Variants in WDFY3 observed in about 807,000 individuals in gnomAD.
WDFY3 encodes WD repeat and FYVE domain-containing protein 3.
Under a neutral mutation model 409.6 loss-of-function variants are expected in WDFY3, and 66 were observed. The observed-to-expected ratio is 0.16, with a 90% CI of 0.13 to 0.20. WDFY3 has a LOEUF of 0.20. Ranked by LOEUF, WDFY3 falls within the 10% of genes least tolerant of loss-of-function variation. The pLI is 1.00. For synonymous variants in WDFY3, 1,521 were observed against 1,537.1 expected, an observed-to-expected ratio of 0.99 and a Z score of 0.25; for missense variants, 3,031 against 4,298.1, an observed-to-expected ratio of 0.71 and a Z score of 8.24.
chr4:84,672,866 C>T lies in WDFY3; in HGVS notation c.*2G>A, dbSNP rs751917562. The T allele has an allele frequency of 6.2e-7, 1 of 1,613,938 alleles. No homozygotes were observed. Among genetic ancestry groups the T allele is most frequent in the Non-Finnish European group, 8.5e-7 (1 of 1,179,896 alleles). On this transcript the variant is annotated 3_prime_UTR_variant, in exon 68 of 68. Coordinates refer to ENST00000295888, the MANE Select transcript of WDFY3 (RefSeq NM_014991.6). ...ATGGTCTCCACTCAGCTTGTTGAAT[C>T]TTCAACAATTTCGAGGCCCATCTTC...
intron 37 of WDFY3, 70 bp from the exon 38 acceptor site, chr4:84,741,991 AAAAATCAGGCTAAGGT>A: frequency 5.7e-6 from 8 of 1,415,282 alleles, no homozygotes; most frequent in Non-Finnish European, 6.6e-6. Context: ...TCCTCAAAAA[AAAAATCAGGCTAAGGT>A]AAAATAAGTG....
chr4:84,884,503 C>T (rs1351090511), intron 3 of WDFY3, among the ~76,000 whole-genome samples: 2 of 151,832 alleles, frequency 1.3e-5, no homozygotes, highest in Non-Finnish European at 2.9e-5. Flanking sequence ...AAAAGAGACC[C>T]TGAAGAAATT....
intron 5 of WDFY3, among the ~76,000 whole-genome samples, chr4:84,849,468 A>C (rs1264580090): frequency 2.6e-5 from 4 of 151,396 alleles, no homozygotes; most frequent in African/African-American, 9.7e-5. Flanking sequence ...AAGCATTCTA[A>C]GTAAATGATT....
chr4:84,905,025 C>T (rs1006592071), intron 2 of WDFY3, among the ~76,000 whole-genome samples: 9 of 151,090 alleles, frequency 6.0e-5, no homozygotes, highest in Non-Finnish European at 8.8e-5. Flanking sequence ...CTCTCGTCTG[C>T]GCACACGGGG....
rs1736172074 is a variant in WDFY3, at chr4:84,729,256, A to G, written c.7222-2345T>C. 3.3e-5 allele frequency among the ~76,000 whole-genome samples: 5 copies of G among 152,080 alleles called. No homozygotes were observed. In the South Asian group the frequency reaches 8.3e-4, roughly 25 times the overall value. On this transcript the variant is annotated intron_variant, in intron 44 of 67. Transcript: ENST00000295888. Reference sequence around the variant, plus strand: ...TTTTTTTTTAAATGGCAAAATATACATTATTTTCCTCCCTTAGGATTCAGA... The same window carrying G: ...TTTTTTTTTAAATGGCAAAATATACGTTATTTTCCTCCCTTAGGATTCAGA...
intron 2 of WDFY3, among the ~76,000 whole-genome samples, chr4:84,915,200 G>A (rs745493257): frequency 8.5e-5 from 13 of 152,138 alleles, no homozygotes; most frequent in Non-Finnish European, 1.5e-4. Flanking sequence ...ATTACCTAAT[G>A]GGTACAGAGC....
chr4:84,923,444 G>A (rs144003381), intron 2 of WDFY3, among the ~76,000 whole-genome samples: 481 of 152,254 alleles, frequency 3.2e-3, no homozygotes, highest in African/African-American at 0.011. Flanking sequence ...GTATATAAGT[G>A]TTTGTCTCTC....
chr4:84,953,374 G>A (rs919728052), intron 1 of WDFY3, among the ~76,000 whole-genome samples: 1 of 152,050 alleles, frequency 6.6e-6, no homozygotes. Context: ...CTCATTAACT[G>A]ACAATGTATT....
intron 3 of WDFY3, among the ~76,000 whole-genome samples, chr4:84,887,457 C>A (rs972784331): frequency 1.3e-5 from 2 of 152,152 alleles, no homozygotes; most frequent in African/African-American, 4.8e-5. Context: ...CCATTCTTTC[C>A]TTGAATCATT....
Position 84,739,084 on chromosome 4 carries a change from C to A in WDFY3, c.6500G>T (p.Arg2167Leu), listed in dbSNP as rs746407972. 6.2e-7 allele frequency: 1 copy of A among 1,613,970 alleles called. No individual in the cohort carries two copies. Among genetic ancestry groups the A allele is most frequent in the Non-Finnish European group, 8.5e-7 (1 of 1,179,970 alleles). Residue 2167 changes from arginine (R) to leucine (L), a missense_variant, in exon 40 of 68, where the codon CGC (arginine) becomes CTC (leucine). By Grantham distance (102) the Arg-to-Leu change is moderately radical. Around this residue, in one of 16 missense-constraint regions of WDFY3, gnomAD observed 314 missense variants for 397.4 expected, o/e 0.79. Coordinates refer to ENST00000295888, the MANE Select transcript of WDFY3 (RefSeq NM_014991.6). ...VDGFGLEAEA[R>L]MTTWHIMIPS... The stretch of plus-strand genomic sequence containing the variant: ...GATCATAATGTGCCATGTGGTCATG[C>A]GGGCTTCTGCTTCCAGTCCAAATCC...
chr4:84,901,248 G>A (rs1230045575), intron 2 of WDFY3, among the ~76,000 whole-genome samples: 2 of 151,926 alleles, frequency 1.3e-5, no homozygotes, highest in African/African-American at 2.4e-5. Flanking sequence ...CAAAACTCAC[G>A]TTGAAATTTA....
At chr4:84,879,612 T>TACACACAC (rs556955325) in intron 3 of WDFY3, 1 of 148,424 alleles carries the variant, frequency 6.7e-6, no homozygotes, top group African/African-American at 2.5e-5. Flanking sequence ...AAATTATACA[T>TACACACAC]ACACACACAC....
chr4:84,798,148 T>C (rs1749832691), intron 17 of WDFY3, 40 bp from the exon 18 acceptor site: 1 of 1,481,594 alleles, frequency 6.7e-7, no homozygotes, highest in Non-Finnish European at 9.3e-7. Context: ...TTGATTGAGA[T>C]TATTATATAA....
intron 30 of WDFY3, among the ~76,000 whole-genome samples, chr4:84,770,672 C>A (rs1047670132): frequency 1.3e-5 from 2 of 152,136 alleles, no homozygotes; most frequent in African/African-American, 4.8e-5. Flanking sequence ...AAGATCCTCA[C>A]CTCTTCTAAG....
intron 3 of WDFY3, among the ~76,000 whole-genome samples, chr4:84,894,630 T>C (rs1765377393): frequency 6.6e-6 from 1 of 151,848 alleles, no homozygotes; most frequent in Non-Finnish European, 1.5e-5. Context: ...CTACTAAAAA[T>C]ACAAAAATTA....
Position 84,900,610 on chromosome 4 carries a change from C to T in WDFY3, c.-131-3600G>A, listed in dbSNP as rs76751824. ...GTCTCAAAAGATTACAAATGTAATT[C>T]CATTTATATGGTGTTCTTGAAAAAA... On this transcript the variant is annotated intron_variant, in intron 2 of 67. Transcript: ENST00000295888. 8.1e-3 allele frequency among the ~76,000 whole-genome samples: 1,231 copies of T among 152,138 alleles called. 18 individuals are homozygous for T. The highest frequency in any genetic ancestry group is 0.028 in the African/African-American group (1,163 of 41,492).
chr4:84,963,141 C>T (rs973679654), intron 1 of WDFY3, among the ~76,000 whole-genome samples: 13 of 144,466 alleles, frequency 9.0e-5, no homozygotes, highest in African/African-American at 2.9e-4. Context: ...AAAAAAAAAA[C>T]GGCCTGGCAC....
chr4:84,824,549 G>C (rs1366702879), intron 10 of WDFY3, among the ~76,000 whole-genome samples: 1 of 152,088 alleles, frequency 6.6e-6, no homozygotes, highest in Non-Finnish European at 1.5e-5. Flanking sequence ...GTTCTAGAAA[G>C]GGCAAAACTA....
intron 9 of WDFY3, among the ~76,000 whole-genome samples, chr4:84,827,836 G>A (rs1755074915): frequency 6.6e-6 from 1 of 152,086 alleles, no homozygotes; most frequent in Non-Finnish European, 1.5e-5. Context: ...ACAAGTTCTG[G>A]CCAGGCATGG....
Sources: gnomAD v4.1 joint callset for allele counts (sites outside exome capture counted in the v4.1 genomes callset) on GRCh38, gnomAD v4.1.1 for gene constraint, gnomAD v4.1.1 regional missense constraint, MANE v1.5 for transcripts, NCBI Gene and HGNC (gene_info 2026-07-23, HGNC 2026-07-21) for gene names.